The following KLHL29 variants were observed in gnomAD, a reference collection of about 807,000 sequenced individuals.
KLHL29 encodes kelch like family member 29.
In KLHL29, 21 loss-of-function variants were observed where a neutral mutation model predicts 80.4. The ratio of observed to expected loss-of-function variants is 0.26; its 90% CI spans 0.19 to 0.38. The LOEUF is 0.38. Among genes scored for constraint, KLHL29 ranks in the 10% least tolerant of loss-of-function variants. The pLI is 1.00. For synonymous variants in KLHL29, 511 were observed against 526.8 expected (o/e 0.97, Z 0.41); for missense variants, 867 against 1,223.9 (o/e 0.71, Z 4.35).
chr2:23,558,172 C>T (rs1387130471), intron 2 of KLHL29, among the ~76,000 whole-genome samples: 1 of 147,686 alleles, frequency 6.8e-6, no homozygotes, highest in Non-Finnish European at 1.5e-5. Context: ...TCCTTGTGCC[C>T]AGAAAGAGGA....
In KLHL29 at chr2:23,670,921, T is replaced by A. The variant is rs142509795; in HGVS notation, c.941-13478T>A. Among the ~76,000 whole-genome samples the A allele has an allele frequency of 1.6e-3, 63 of 38,280 alleles. 7 individuals are homozygous for A. The highest frequency in any genetic ancestry group is 2.4e-3 in the African/African-American group (26 of 10,888). 25.1% of individuals were successfully genotyped at this position (38,280 alleles called of 152,430 possible). A position where few individuals can be genotyped will look rare whatever the true frequency, so the allele number is the denominator to read the frequency against. On this transcript the variant is annotated intron_variant, in intron 5 of 13. Coordinates refer to ENST00000486442, the MANE Select transcript of KLHL29 (RefSeq NM_052920.2). ...GGTCTCTACACACATGCACGCGCTC[T>A]CTCTCTCTCTCTCTCTCTCTCTCTC...
chr2:23,415,823 T>G (rs1012320399), intron 1 of KLHL29, among the ~76,000 whole-genome samples: 2 of 152,130 alleles, frequency 1.3e-5, no homozygotes, highest in Non-Finnish European at 2.9e-5. Context: ...CTTAGCCTCC[T>G]GTATAGCTGG....
chr2:23,419,079 G>T (rs982823142), intron 1 of KLHL29, among the ~76,000 whole-genome samples: 2 of 152,168 alleles, frequency 1.3e-5, no homozygotes, highest in Admixed American at 1.3e-4. Flanking sequence ...TGGAGTTGCA[G>T]ACCACAGATA....
At chr2:23,407,998 C>T (rs544901122) in intron 1 of KLHL29, among the ~76,000 whole-genome samples, 1 of 152,028 alleles carries the variant, frequency 6.6e-6, no homozygotes, top group Non-Finnish European at 1.5e-5. Flanking sequence ...TGCAACTCCA[C>T]CTCCCGGTTC....
chr2:23,533,556 C>A (rs951159710), intron 2 of KLHL29, among the ~76,000 whole-genome samples: 2 of 150,102 alleles, frequency 1.3e-5, no homozygotes, highest in Non-Finnish European at 3.0e-5. Context: ...GGAGCCTTGG[C>A]GCTGGCTCGC....
chr2:23,555,277 C>T (rs76206101), intron 2 of KLHL29, among the ~76,000 whole-genome samples: 4,827 of 152,308 alleles, frequency 0.032, 115 homozygotes, highest in Middle Eastern at 0.075. Context: ...TTTTCCTCAT[C>T]CCAGTAAACC....
chr2:23,387,650 A>G (rs1282502844), intron 1 of KLHL29, among the ~76,000 whole-genome samples: 1 of 152,158 alleles, frequency 6.6e-6, no homozygotes, highest in Non-Finnish European at 1.5e-5. Context: ...TCCAGTAAGC[A>G]CTAGTGAATA....
chr2:23,646,930 C>T (rs1027101468), intron 5 of KLHL29, among the ~76,000 whole-genome samples: 5 of 152,236 alleles, frequency 3.3e-5, no homozygotes, highest in African/African-American at 4.8e-5. Flanking sequence ...CATGTCCGTA[C>T]ATAGCACTGT....
At chr2:23,603,608 G>C (rs1668629191) in intron 3 of KLHL29, among the ~76,000 whole-genome samples, 1 of 152,350 alleles carries the variant, frequency 6.6e-6, no homozygotes, top group Non-Finnish European at 1.5e-5. Flanking sequence ...AAAAGAGGGA[G>C]ATCGAGGAGG....
rs1344918780 is a variant in KLHL29 at position 23,703,676 on chromosome 2, C to T, written c.2300-43C>T. The T allele has an allele frequency of 6.7e-6, 10 of 1,501,564 alleles. No individual in the cohort carries two copies. The Admixed American group carries it at 8.8e-5, about 13-fold the overall frequency. The allele number at this position is 1,501,564 out of a possible 1,614,324, so 93.0% of individuals were successfully genotyped here. A position where few individuals can be genotyped will look rare whatever the true frequency, so the allele number is the denominator to read the frequency against. On this transcript the variant is annotated intron_variant, in intron 12 of 13. Transcript: ENST00000486442. ...TGGGAAAGAAAAGGAGAGGGAAGTC[C>T]AAGACAAGCTGCCGTGACCTGCCTG...
intron 2 of KLHL29, among the ~76,000 whole-genome samples, chr2:23,487,910 G>A (rs1664977059): frequency 6.6e-6 from 1 of 152,178 alleles, no homozygotes; most frequent in East Asian, 1.9e-4. Context: ...GCCGTGTGGT[G>A]GGAGAAGCCA....
chr2:23,567,694 G>A (rs1223213872), intron 3 of KLHL29, among the ~76,000 whole-genome samples: 1 of 152,224 alleles, frequency 6.6e-6, no homozygotes, highest in South Asian at 2.1e-4. Flanking sequence ...TGGGGCCCAT[G>A]AATGGAGAGA....
chr2:23,420,300 C>T (rs1303588745), intron 1 of KLHL29, among the ~76,000 whole-genome samples: 3 of 152,168 alleles, frequency 2.0e-5, no homozygotes, highest in African/African-American at 7.2e-5. Context: ...TTCCTTGCTG[C>T]GTCCACACCG....
At chr2:23,466,865 G>A (rs899043384) in intron 1 of KLHL29, among the ~76,000 whole-genome samples, 2 of 152,192 alleles carry the variant, frequency 1.3e-5, no homozygotes, top group Non-Finnish European at 2.9e-5. Flanking sequence ...AGGAAGACTG[G>A]GTTGGGATGT....
chr2:23,461,874 G>A (rs1664218726), intron 1 of KLHL29, among the ~76,000 whole-genome samples: 1 of 151,926 alleles, frequency 6.6e-6, no homozygotes, highest in Non-Finnish European at 1.5e-5. Context: ...GCCCTAATGA[G>A]AAGTGACACC....
At chr2:23,494,920 C>T (rs1264355501) in intron 2 of KLHL29, among the ~76,000 whole-genome samples, 1 of 152,226 alleles carries the variant, frequency 6.6e-6, no homozygotes, top group Non-Finnish European at 1.5e-5. Context: ...GATGAAGCGA[C>T]AGTGCTCCTT....
chr2:23,691,736 A>G lies in KLHL29; in HGVS notation c.1142A>G (p.Gln381Arg). 1 of 1,551,828 alleles carries G rather than the reference A, an allele frequency of 6.4e-7. No homozygotes were observed. The highest frequency in any genetic ancestry group is 8.7e-7 in the Non-Finnish European group (1 of 1,147,034). ...EKLELVLSNLQADVLELLLEF... is the reference protein window; with the variant it reads ...EKLELVLSNLRADVLELLLEF... Reference sequence around the variant, plus strand: ...CTGGAGCTCGTCCTGTCGAACCTGCAGGCAGACGTCCTGGAGTTGCTGCTG... The same window carrying G: ...CTGGAGCTCGTCCTGTCGAACCTGCGGGCAGACGTCCTGGAGTTGCTGCTG... The change falls in exon 7 of 14, where the codon CAG becomes CGG. Residue 381 changes from glutamine to arginine, a missense_variant. Gln to Arg is a conservative substitution (Grantham distance 43). This residue lies in a region of KLHL29 where 443 missense variants were observed against 767.0 expected (regional missense o/e 0.58). Coordinates refer to ENST00000486442, the MANE Select transcript of KLHL29 (RefSeq NM_052920.2).
intron 1 of KLHL29, among the ~76,000 whole-genome samples, chr2:23,464,567 T>C (rs948069859): frequency 8.5e-5 from 13 of 152,176 alleles, no homozygotes; most frequent in Non-Finnish European, 1.2e-4. Flanking sequence ...TCTGAACCAC[T>C]GTTCAAACAG....
chr2:23,678,774 C>A (rs1342309402), intron 5 of KLHL29, among the ~76,000 whole-genome samples: 1 of 152,136 alleles, frequency 6.6e-6, no homozygotes, highest in Non-Finnish European at 1.5e-5. Flanking sequence ...TGTGGGTGAA[C>A]CTTAAGGACA....
Sources: gnomAD v4.1 joint callset for allele counts (sites outside exome capture counted in the v4.1 genomes callset) on GRCh38, gnomAD v4.1.1 for gene constraint, gnomAD v4.1.1 regional missense constraint, MANE v1.5 for transcripts, NCBI Gene and HGNC (gene_info 2026-07-23, HGNC 2026-07-21) for gene names.